GCH1: variants seen among roughly 807,000 people sequenced by gnomAD.
The protein encoded by GCH1 is GTP cyclohydrolase 1, also known as GTP cyclohydrolase I.
GCH1 carries 5 observed loss-of-function variants against 25.9 expected under a neutral mutation model. The ratio of observed to expected loss-of-function variants is 0.19; its 90% CI spans 0.10 to 0.41. The LOEUF (loss-of-function observed/expected upper bound fraction) is 0.41. GCH1 is among the 10% of genes least tolerant of loss of function. The probability of loss-of-function intolerance (pLI) is 1.00; values close to 1 mark genes in which losing one functional copy is unlikely to be tolerated. For missense variants in GCH1, 261 were observed against 336.5 expected, an observed-to-expected ratio of 0.78 and a Z score of 1.75; for synonymous variants, 159 against 129.6, an observed-to-expected ratio of 1.23 and a Z score of -1.54.
rs555928455 is a variant in GCH1 at position 54,860,237 on chromosome 14, GAC to G, written c.454-503_454-502del. Among the ~76,000 whole-genome samples the G allele has an allele frequency of 2.9e-3, 436 of 152,284 alleles. 2 individuals are homozygous for G. Among genetic ancestry groups the G allele is most frequent in the African/African-American group, 9.8e-3 (409 of 41,566 alleles). ...GTTCAAGAGTCAATTGCATGGCCCT[GAC>G]ACTTACCTGTGAAGTTGAACTCTTG... On this transcript the variant is annotated intron_variant, in intron 2 of 5. Transcript: ENST00000491895.
intron 2 of GCH1, among the ~76,000 whole-genome samples, chr14:54,861,931 C>G (rs1478731214): frequency 2.0e-5 from 3 of 152,104 alleles, no homozygotes; most frequent in African/African-American, 7.2e-5. Flanking sequence ...ATTTGCTCAC[C>G]AATAGATTCC....
intron 3 of GCH1, among the ~76,000 whole-genome samples, chr14:54,857,702 C>T (rs2039833433): frequency 6.6e-6 from 1 of 152,194 alleles, no homozygotes; most frequent in South Asian, 2.1e-4. Flanking sequence ...GATACTTTTA[C>T]TCACAGTTGA....
chr14:54,886,623 A>G (rs908273804), intron 1 of GCH1, among the ~76,000 whole-genome samples: 30 of 152,110 alleles, frequency 2.0e-4, no homozygotes, highest in Non-Finnish European at 1.3e-4. Context: ...AAACAAAACA[A>G]AACAAAAAAA....
chr14:54,844,288 T>C (rs1566658912), intron 5 of GCH1, 145 bp from the exon 6 acceptor site: 5 of 744,442 alleles, frequency 6.7e-6, no homozygotes, highest in Non-Finnish European at 1.2e-5. Flanking sequence ...ATCTATTAGG[T>C]TCATGCAAAA....
intron 4 of GCH1, among the ~76,000 whole-genome samples, 174 bp from the exon 5 acceptor site, chr14:54,846,026 G>A (rs1273183901): frequency 6.6e-6 from 1 of 152,118 alleles, no homozygotes; most frequent in Non-Finnish European, 1.5e-5. Context: ...AGAGAGGCCC[G>A]GATTCAACTC....
chr14:54,853,065 G>C (rs2039758650), intron 3 of GCH1, among the ~76,000 whole-genome samples: 1 of 152,184 alleles, frequency 6.6e-6, no homozygotes, highest in East Asian at 1.9e-4. Flanking sequence ...CCGGGTTCAA[G>C]CAATTCTCCT....
At position 54,844,016 on chromosome 14, in the gene GCH1, C is replaced by T; in HGVS notation, c.*1G>A. The T allele has an allele frequency of 6.2e-7, 1 of 1,614,198 alleles. No individual in the cohort carries two copies. Among genetic ancestry groups the T allele is most frequent in the Non-Finnish European group, 8.5e-7 (1 of 1,180,022 alleles). On this transcript the variant is annotated 3_prime_UTR_variant, in exon 6 of 6. Coordinates refer to ENST00000491895, the MANE Select transcript of GCH1 (RefSeq NM_000161.3). ...ACCAACGCACACACACTGAATGAAG[C>T]TCAGCTCCTAATGAGAGTCAGGAAC...
Position 54,845,815 on chromosome 14 carries a change from G to A in GCH1, c.579C>T (p.Ile193=). Residue 193 remains isoleucine (I), a synonymous_variant, in exon 5 of 6, where the codon ATC becomes ATT. Coordinates refer to ENST00000491895, the MANE Select transcript of GCH1 (RefSeq NM_000161.3). ...CTCCAGCAGGCCGCAAGGCTTCCGT[G>A]ATTGCTACAGCAATTTGTTTTGTAA... ...ERLTKQIAVA[I]TEALRPAGVG... 1 of 1,610,966 alleles carries A rather than the reference G, an allele frequency of 6.2e-7. No homozygotes were observed. The highest frequency in any genetic ancestry group is 8.5e-7 in the Non-Finnish European group (1 of 1,177,106).
chr14:54,867,037 T>C (rs2039997472), intron 1 of GCH1, among the ~76,000 whole-genome samples: 3 of 152,202 alleles, frequency 2.0e-5, no homozygotes. Flanking sequence ...TTTCCAAAAG[T>C]TTCTTGGATT....
At chr14:54,868,641 G>A (rs897767558) in intron 1 of GCH1, among the ~76,000 whole-genome samples, 24 of 151,632 alleles carry the variant, frequency 1.6e-4, no homozygotes, top group East Asian at 5.8e-4. Flanking sequence ...TTGCTCTGTC[G>A]CCCAGGCTGG....
At chr14:54,864,571 C>A (rs1339743038) in intron 2 of GCH1, among the ~76,000 whole-genome samples, 1 of 152,164 alleles carries the variant, frequency 6.6e-6, no homozygotes, top group Admixed American at 6.5e-5. Flanking sequence ...GAGAGTCACA[C>A]ATTTGTATTT....
intron 1 of GCH1, among the ~76,000 whole-genome samples, chr14:54,867,432 AC>A (rs1455626373): frequency 6.6e-6 from 1 of 151,884 alleles, no homozygotes; most frequent in East Asian, 1.9e-4. Context: ...TACTGAAAAT[AC>A]AAAAATAAGC....
chr14:54,877,702 C>G (rs2140094091), intron 1 of GCH1, among the ~76,000 whole-genome samples: 1 of 152,040 alleles, frequency 6.6e-6, no homozygotes, highest in African/African-American at 2.4e-5. Flanking sequence ...GTCATGTTGC[C>G]CAGGCTGGTC....
chr14:54,895,144 G>A (rs753881021), intron 1 of GCH1, among the ~76,000 whole-genome samples: 1 of 152,186 alleles, frequency 6.6e-6, no homozygotes, highest in South Asian at 2.1e-4. Flanking sequence ...ATGCATTTTT[G>A]TATAAACAAA....
chr14:54,867,927 C>T (rs1213226497), intron 1 of GCH1, among the ~76,000 whole-genome samples: 1 of 152,078 alleles, frequency 6.6e-6, no homozygotes, highest in African/African-American at 2.4e-5. Context: ...GGTGGAGAAA[C>T]CTGGCAGAGG....
chr14:54,873,225 A>C (rs932507746), intron 1 of GCH1, among the ~76,000 whole-genome samples: 9 of 152,244 alleles, frequency 5.9e-5, no homozygotes, highest in African/African-American at 9.6e-5. Flanking sequence ...AAAACTGAGC[A>C]ACCTGCTCCT....
chr14:54,861,242 G>C (rs1354161609), intron 2 of GCH1, among the ~76,000 whole-genome samples: 1 of 152,060 alleles, frequency 6.6e-6, no homozygotes, highest in Admixed American at 6.6e-5. Context: ...TTGCCTTCCT[G>C]GTTGGCAGGA....
At chr14:54,859,887 T>C (rs1002274843) in intron 2 of GCH1, 151 bp from the exon 3 acceptor site, 1 of 650,722 alleles carries the variant, frequency 1.5e-6, no homozygotes, top group Admixed American at 2.5e-5. Context: ...TGTTAAGACT[T>C]AGAAAATGAA....
chr14:54,901,129 G>T (rs1214644278), intron 1 of GCH1, among the ~76,000 whole-genome samples: 1 of 152,106 alleles, frequency 6.6e-6, no homozygotes, highest in Non-Finnish European at 1.5e-5. Flanking sequence ...GGGTGTGGAA[G>T]ACTGGGCAAA....
Sources: allele counts gnomAD v4.1 joint callset (sites outside exome capture counted in the v4.1 genomes callset), GRCh38; gene constraint gnomAD v4.1.1; transcripts MANE v1.5; gene names NCBI Gene and HGNC (gene_info 2026-07-23, HGNC 2026-07-21).